Variants in NKAIN2 observed in about 807,000 individuals in gnomAD.
The protein encoded by NKAIN2 is sodium/potassium-transporting ATPase subunit beta-1-interacting protein 2.
Under a neutral mutation model 32.6 loss-of-function variants are expected in NKAIN2, and 14 were observed. The ratio of observed to expected loss-of-function variants is 0.43; its 90% confidence interval spans 0.28 to 0.67. The LOEUF (loss-of-function observed/expected upper bound fraction) is 0.67, where lower values mean the gene tolerates loss of function less well. Among genes scored for constraint, NKAIN2 ranks in the 30% least tolerant of loss-of-function variants. The pLI, the probability that NKAIN2 is intolerant of heterozygous loss-of-function variation, is 0.17. For synonymous variants in NKAIN2, 80 were observed against 87.2 expected (o/e 0.92, Z 0.46); for missense variants, 198 against 258.3 (o/e 0.77, Z 1.60).
At chr6:124,140,422 C>T (rs562698349) in intron 1 of NKAIN2, among the ~76,000 whole-genome samples, 1 of 152,274 alleles carries the variant, frequency 6.6e-6, no homozygotes, top group Admixed American at 6.5e-5. Flanking sequence ...GAGGTAAAAA[C>T]ATTAGAAAGA....
At chr6:124,068,543 A>C (rs1783296827) in intron 1 of NKAIN2, among the ~76,000 whole-genome samples, 1 of 151,844 alleles carries the variant, frequency 6.6e-6, no homozygotes. Flanking sequence ...GGCATGGTTC[A>C]TTTGTACATT....
At chr6:124,120,191 A>G (rs997366145) in intron 1 of NKAIN2, among the ~76,000 whole-genome samples, 15 of 152,166 alleles carry the variant, frequency 9.9e-5, no homozygotes, top group African/African-American at 3.6e-4. Flanking sequence ...ATACATTTTT[A>G]AAAATTTTAT....
intron 4 of NKAIN2, among the ~76,000 whole-genome samples, chr6:124,727,108 A>T (rs1454144957): frequency 6.6e-6 from 1 of 152,178 alleles, no homozygotes; most frequent in African/African-American, 2.4e-5. Context: ...GAAGTGGAGA[A>T]TGGAACCCAG....
In NKAIN2 at chr6:124,720,529, T is replaced by C. The variant is rs76246742; in HGVS notation, c.474+62143T>C. Among the ~76,000 whole-genome samples, 1,508 of 152,338 alleles carry C rather than the reference T, an allele frequency of 9.9e-3. 16 individuals are homozygous for C. Among genetic ancestry groups the C allele is most frequent in the African/African-American group, 0.035 (1,442 of 41,560 alleles). On this transcript the variant is annotated intron_variant, in intron 4 of 6. Transcript: ENST00000368417. ...ATCTGAATTGCTACCTTTCAAATAT[T>C]ACTCGGTCCTGTTTCAAGCATGTTT...
intron 1 of NKAIN2, among the ~76,000 whole-genome samples, chr6:124,034,914 CTT>C: frequency 1.3e-5 from 2 of 151,958 alleles, no homozygotes. Flanking sequence ...ACTTGTCTGT[CTT>C]TTGATAGTTT....
intron 3 of NKAIN2, among the ~76,000 whole-genome samples, chr6:124,541,395 C>G (rs1197928427): frequency 2.6e-5 from 4 of 152,100 alleles, no homozygotes; most frequent in African/African-American, 9.7e-5. Context: ...GATAATAGCA[C>G]TATATAAGTT....
intron 6 of NKAIN2, among the ~76,000 whole-genome samples, chr6:124,820,934 A>T (rs913409918): frequency 3.3e-5 from 5 of 152,162 alleles, no homozygotes; most frequent in Non-Finnish European, 7.4e-5. Flanking sequence ...CTCTGGTACC[A>T]AAAAGGTTGA....
intron 4 of NKAIN2, among the ~76,000 whole-genome samples, chr6:124,727,671 A>T (rs1379323897): frequency 1.3e-5 from 2 of 150,630 alleles, no homozygotes; most frequent in Non-Finnish European, 1.5e-5. Context: ...ATAAGCAACT[A>T]ACATCATAAT....
intron 4 of NKAIN2, among the ~76,000 whole-genome samples, chr6:124,703,548 T>C (rs1774904597): frequency 6.6e-6 from 1 of 151,932 alleles, no homozygotes; most frequent in Non-Finnish European, 1.5e-5. Flanking sequence ...TGTGGTACTG[T>C]AGACAAGAGA....
chr6:124,700,209 GATGAAAAATC>G lies in NKAIN2; in HGVS notation c.474+41825_474+41834del, dbSNP rs1035407613. Among the ~76,000 whole-genome samples the G allele has an allele frequency of 5.9e-5, 9 of 152,258 alleles. No individual in the cohort carries two copies. In the East Asian group the frequency reaches 1.7e-3, roughly 29 times the overall value. On this transcript the variant is annotated intron_variant, in intron 4 of 6. Transcript: ENST00000368417. ...CTACACATGAATATTATGGGAGTTA[GATGAAAAATC>G]AGGCAAAATCTTAGAAGTCACAAGG...
chr6:124,712,844 G>T (rs1170894402), intron 4 of NKAIN2, among the ~76,000 whole-genome samples: 3 of 151,906 alleles, frequency 2.0e-5, no homozygotes, highest in Non-Finnish European at 4.4e-5. Flanking sequence ...ACTCTAGTTG[G>T]TTTTATTTTA....
intron 1 of NKAIN2, among the ~76,000 whole-genome samples, chr6:123,991,616 A>C (rs1779414812): frequency 6.6e-6 from 1 of 152,160 alleles, no homozygotes; most frequent in South Asian, 2.1e-4. Flanking sequence ...TAATCCCAGC[A>C]CTTTGGGAGG....
intron 4 of NKAIN2, among the ~76,000 whole-genome samples, chr6:124,690,781 C>G (rs765436729): frequency 4.6e-5 from 7 of 152,182 alleles, no homozygotes; most frequent in Non-Finnish European, 8.8e-5. Context: ...AGCATAGCAG[C>G]TTTCTCCTCA....
At chr6:124,650,509 G>A (rs1583582549) in intron 3 of NKAIN2, among the ~76,000 whole-genome samples, 3 of 152,168 alleles carry the variant, frequency 2.0e-5, no homozygotes, top group South Asian at 4.2e-4. Context: ...TTATAATTGT[G>A]CATTTAGGCT....
intron 3 of NKAIN2, among the ~76,000 whole-genome samples, chr6:124,590,052 A>C (rs1227022209): frequency 6.6e-6 from 1 of 152,172 alleles, no homozygotes; most frequent in Non-Finnish European, 1.5e-5. Context: ...CATCACTTCC[A>C]GTGTCAACTC....
intron 3 of NKAIN2, among the ~76,000 whole-genome samples, chr6:124,531,143 C>G (rs749998435): frequency 7.9e-5 from 12 of 152,200 alleles, no homozygotes; most frequent in Non-Finnish European, 1.0e-4. Flanking sequence ...AGAGGAACCT[C>G]ATTAGAACCT....
intron 3 of NKAIN2, among the ~76,000 whole-genome samples, chr6:124,644,491 G>T (rs1458600592): frequency 6.6e-6 from 1 of 151,042 alleles, no homozygotes; most frequent in South Asian, 2.1e-4. Context: ...TGAAACCTCC[G>T]CCTCCCGGGT....
rs1333961616 is a variant in NKAIN2, at chr6:124,658,166, T to G, written c.274-20T>G. On this transcript the variant is annotated intron_variant, in intron 3 of 6. Transcript: ENST00000368417. ...ACATTTATAAAGTAATTCTCATCCT[T>G]GTAAATTGCCTTCTTGCAGGAAACA... is the stretch of plus-strand genomic sequence containing the variant. 7.7e-6 allele frequency: 12 copies of G among 1,551,504 alleles called. No individual in the cohort carries two copies.
In NKAIN2 at chr6:124,744,551, G is replaced by A. The variant is rs1777368858; in HGVS notation, c.475-46788G>A. Among the ~76,000 whole-genome samples, 4 of 151,478 alleles carry A rather than the reference G, an allele frequency of 2.6e-5. No homozygotes were observed. In the South Asian group the frequency reaches 8.3e-4, roughly 32 times the overall value. ...TTCCTTCAAACTTGGAGGCGGGGTA[G>A]GGCGAGATCTTACTTTTATCCCCGT... On this transcript the variant is annotated intron_variant, in intron 4 of 6. Transcript: ENST00000368417.
Sources: gnomAD v4.1 joint callset for allele counts (sites outside exome capture counted in the v4.1 genomes callset) on GRCh38, gnomAD v4.1.1 for gene constraint, MANE v1.5 for transcripts, NCBI Gene and HGNC (gene_info 2026-07-23, HGNC 2026-07-21) for gene names.